The following SAMD3 variants were observed in gnomAD, a reference collection of about 807,000 sequenced individuals.
SAMD3 encodes the protein sterile alpha motif domain containing 3, also known as sterile alpha motif domain-containing protein 3.
A neutral mutation model predicts 58.5 loss-of-function variants in SAMD3; 63 were observed. The observed-to-expected ratio is 1.08, with a 90% CI of 0.88 to 1.33. The LOEUF is 1.33. SAMD3 is among the 40% of genes most tolerant of loss of function. The pLI is 0.00. For synonymous variants in SAMD3, 220 were observed against 210.3 expected, an observed-to-expected ratio of 1.05 and a Z score of -0.40; for missense variants, 604 against 608.4, an observed-to-expected ratio of 0.99 and a Z score of 0.08.
chr6:130,293,891 A>C (rs987781155), intron 2 of SAMD3, among the ~76,000 whole-genome samples: 34 of 152,112 alleles, frequency 2.2e-4, no homozygotes, highest in African/African-American at 8.2e-4. Context: ...GTCTTATGCT[A>C]TACGGGTAAG....
intron 2 of SAMD3, among the ~76,000 whole-genome samples, chr6:130,231,789 A>C (rs1796556728): frequency 6.6e-6 from 1 of 152,154 alleles, no homozygotes; most frequent in Admixed American, 6.5e-5. Context: ...TATTCAGTCA[A>C]AAGGTATGAA....
intron 2 of SAMD3, among the ~76,000 whole-genome samples, chr6:130,246,670 C>A (rs1773557217): frequency 6.6e-6 from 1 of 152,140 alleles, no homozygotes; most frequent in Non-Finnish European, 1.5e-5. Flanking sequence ...GCGGGTGGAT[C>A]ACCTGAGGTC....
At chr6:130,295,525 G>T (rs11154568) in intron 2 of SAMD3, among the ~76,000 whole-genome samples, 42,747 of 152,092 alleles carry the variant, frequency 0.28, 6,445 homozygotes, top group East Asian at 0.45. Context: ...GAACTTGACT[G>T]TTTGTAACTT....
chr6:130,331,836 T>C (rs1776944234), intron 1 of SAMD3, among the ~76,000 whole-genome samples: 1 of 152,262 alleles, frequency 6.6e-6, no homozygotes, highest in African/African-American at 2.4e-5. Flanking sequence ...TGTGTGTTTA[T>C]GACTTTACAT....
At chr6:130,271,979 T>C (rs1774580821) in intron 2 of SAMD3, among the ~76,000 whole-genome samples, 1 of 152,220 alleles carries the variant, frequency 6.6e-6, no homozygotes, top group African/African-American at 2.4e-5. Flanking sequence ...GTGGGGATTA[T>C]TACAATTCAA....
At chr6:130,197,631 C>T (rs1405581283) in intron 5 of SAMD3, among the ~76,000 whole-genome samples, 1 of 152,130 alleles carries the variant, frequency 6.6e-6, no homozygotes, top group Non-Finnish European at 1.5e-5. Context: ...AATATCACCC[C>T]TTACCACAAA....
chr6:130,267,828 G>A (rs1336853158), intron 2 of SAMD3, among the ~76,000 whole-genome samples: 3 of 152,130 alleles, frequency 2.0e-5, no homozygotes, highest in East Asian at 3.9e-4. Context: ...AATTGATCAC[G>A]ACCCTCTCAC....
At chr6:130,161,615 G>C (rs1172620311) in intron 8 of SAMD3, 1 of 152,128 alleles carries the variant, frequency 6.6e-6, no homozygotes, top group Non-Finnish European at 1.5e-5. Context: ...CATATTGTTA[G>C]ATTTATATAT....
chr6:130,232,012 A>G (rs1266003184), intron 2 of SAMD3, among the ~76,000 whole-genome samples: 2 of 152,152 alleles, frequency 1.3e-5, no homozygotes, highest in Non-Finnish European at 2.9e-5. Flanking sequence ...TTTTAATTTT[A>G]TTTAATTTTA....
At chr6:130,296,279 T>A (rs1211836720) in intron 2 of SAMD3, among the ~76,000 whole-genome samples, 1 of 152,152 alleles carries the variant, frequency 6.6e-6, no homozygotes, top group East Asian at 1.9e-4. Flanking sequence ...AACCAGGATC[T>A]GTTGGAGTGC....
chr6:130,181,638 T>C (rs1232183756), intron 7 of SAMD3, among the ~76,000 whole-genome samples: 2 of 152,122 alleles, frequency 1.3e-5, no homozygotes, highest in Middle Eastern at 3.2e-3. Flanking sequence ...AAACTAAAGG[T>C]CAAAAGGTAT....
intron 5 of SAMD3, among the ~76,000 whole-genome samples, chr6:130,191,219 G>A (rs1793512615): frequency 6.6e-6 from 1 of 152,086 alleles, no homozygotes; most frequent in African/African-American, 2.4e-5. Flanking sequence ...TTACTATGCA[G>A]TGAGAGTTTA....
At chr6:130,268,911 C>A (rs568960765) in intron 2 of SAMD3, among the ~76,000 whole-genome samples, 1 of 152,242 alleles carries the variant, frequency 6.6e-6, no homozygotes, top group Non-Finnish European at 1.5e-5. Context: ...TGTAACTTGC[C>A]TTTTTATCCT....
At chr6:130,321,191 C>T (rs2115000962) in intron 1 of SAMD3, among the ~76,000 whole-genome samples, 1 of 152,338 alleles carries the variant, frequency 6.6e-6, no homozygotes, top group African/African-American at 2.4e-5. Context: ...CTTTCATGCT[C>T]TGTACCAGTC....
intron 1 of SAMD3, among the ~76,000 whole-genome samples, chr6:130,356,599 T>C (rs1777836127): frequency 6.6e-6 from 1 of 152,230 alleles, no homozygotes; most frequent in East Asian, 1.9e-4. Flanking sequence ...AACATAGTAG[T>C]AGGAACACAT....
At chr6:130,218,351 G>A (rs150587531) in intron 1 of SAMD3, among the ~76,000 whole-genome samples, 16 of 152,296 alleles carry the variant, frequency 1.1e-4, no homozygotes, top group Non-Finnish European at 2.2e-4. Context: ...CTCTCAGTGC[G>A]CAGGCTGTCG....
intron 5 of SAMD3, among the ~76,000 whole-genome samples, chr6:130,208,775 A>G (rs1266367768): frequency 6.6e-6 from 1 of 152,168 alleles, no homozygotes; most frequent in Non-Finnish European, 1.5e-5. Flanking sequence ...AAAGTGTGCA[A>G]TAAATGGAAT....
At chr6:130,191,093 CA>C (rs1484273709) in intron 5 of SAMD3, among the ~76,000 whole-genome samples, 3 of 151,206 alleles carry the variant, frequency 2.0e-5, no homozygotes, top group African/African-American at 7.3e-5. Context: ...TCACATTTTC[CA>C]ACTGTCATAT....
intron 5 of SAMD3, among the ~76,000 whole-genome samples, chr6:130,208,611 G>A (rs1338916153): frequency 6.6e-6 from 1 of 152,136 alleles, no homozygotes; most frequent in East Asian, 1.9e-4. Context: ...CACTCCTTAT[G>A]AGAATCTAAT....
Sources: allele counts gnomAD v4.1 joint callset (sites outside exome capture counted in the v4.1 genomes callset), GRCh38; gene constraint gnomAD v4.1.1; transcripts MANE v1.5; gene names NCBI Gene and HGNC (gene_info 2026-07-23, HGNC 2026-07-21).